The following COL7A1 variants were observed in gnomAD, a reference collection of about 807,000 sequenced individuals.
The protein encoded by COL7A1 is collagen alpha-1(VII) chain.
COL7A1 carries 296 observed loss-of-function variants against 456.2 expected under a neutral mutation model. That is an observed-to-expected ratio of 0.65 (90% confidence interval 0.59 to 0.71). The LOEUF is 0.71. Ranked by LOEUF, COL7A1 falls within the 30% of genes least tolerant of loss-of-function variation. COL7A1 has a pLI of 0.00. For missense variants in COL7A1, 3,441 were observed against 4,017.2 expected (o/e 0.86, Z 3.88); for synonymous variants, 1,464 against 1,525.9 (o/e 0.96, Z 0.95).
At position 48,592,118 on chromosome 3, in the gene COL7A1, G is replaced by A; in HGVS notation, c.1224C>T (p.Ser408=). Residue 408 remains serine, a synonymous_variant, in exon 10 of 119, where the codon TCC becomes TCT. Transcript: ENST00000681320. This position sits in a 1 kb window ranked among gnomAD's most constrained non-coding sequence, Gnocchi z 7.6. ...CCTTCTCACCAGTGCGAGCCATCAG[G>A]GAAGTGGCGGGCCCCACACTGCGGC... ...LFGRSVGPAT[S]LMARTDASVE... 3.7e-6 allele frequency: 6 copies of A among 1,614,146 alleles called. No homozygotes were observed. Among genetic ancestry groups the A allele is most frequent in the Admixed American group, 1.7e-5 (1 of 60,026 alleles).
chr3:48,573,379 A>C lies in COL7A1; in HGVS notation c.6619-31T>G, dbSNP rs761224941. 4.3e-6 allele frequency: 7 copies of C among 1,613,940 alleles called. No individual in the cohort carries two copies. In the East Asian group the frequency reaches 1.6e-4, roughly 36 times the overall value. ...AACAACCCAGAGACTGCATGAGCAGAGCCCACGTGGCCAGGGCTCCTGGAG... is the reference window on the plus strand; with the variant it reads ...AACAACCCAGAGACTGCATGAGCAGCGCCCACGTGGCCAGGGCTCCTGGAG... On this transcript the variant is annotated intron_variant, in intron 83 of 118. Transcript: ENST00000681320. The surrounding 1 kb of genome is among the most constrained non-coding windows in gnomAD (Gnocchi z 5.5).
At position 48,569,479 on chromosome 3, in the gene COL7A1, G is replaced by A. The variant is rs759485606; in HGVS notation, c.7615-33C>T. 1 of 1,614,044 alleles carries A rather than the reference G, an allele frequency of 6.2e-7. No homozygotes were observed. The highest frequency in any genetic ancestry group is 1.1e-5 in the South Asian group (1 of 91,084). ...GGTTTGGGTAAGAAGTCACGGTAAG[G>A]GGCTGAAGGTCCCTCACCCTCTGGG... On this transcript the variant is annotated intron_variant, in intron 102 of 118. Transcript: ENST00000681320. This position sits in a 1 kb window ranked among gnomAD's most constrained non-coding sequence, Gnocchi z 4.9.
chr3:48,594,607 C>G lies in COL7A1; in HGVS notation c.86-59G>C. On this transcript the variant is annotated intron_variant, in intron 2 of 118. Coordinates refer to ENST00000681320, the MANE Select transcript of COL7A1 (RefSeq NM_000094.4). This position sits in a 1 kb window ranked among gnomAD's most constrained non-coding sequence, Gnocchi z 5.5. ...GGGAGGCCAACCACCCGCCTACCCG[C>G]ACGGTGGCCTCACTGGGACTTGGGA... 13 of 1,522,732 alleles carry G rather than the reference C, an allele frequency of 8.5e-6. No individual in the cohort carries two copies. The highest frequency in any genetic ancestry group is 8.3e-5 in the South Asian group (7 of 84,066). 94.3% of individuals were successfully genotyped at this position (1,522,732 alleles called of 1,614,324 possible).
In COL7A1 at chr3:48,572,139, C is replaced by T. The variant is rs781739537; in HGVS notation, c.7011G>A (p.Pro2337=). The T allele has an allele frequency of 2.7e-5, 43 of 1,614,016 alleles. No homozygotes were observed. Among genetic ancestry groups the T allele is most frequent in the Non-Finnish European group, 3.5e-5 (41 of 1,179,992 alleles). Residue 2337 remains proline, a synonymous_variant, in exon 91 of 119, where the codon CCG becomes CCA. Transcript: ENST00000681320. The surrounding 1 kb of genome is among the most constrained non-coding windows in gnomAD (Gnocchi z 4.6). ...GAKGDRGLPG[P]RGEKGEAGRA... is the part of the protein sequence containing the mutation. ...CAACCCACCTCACCTTCTCGCCTCG[C>T]GGCCCTGGCAGTCCTCGGTCACCTT... is the stretch of plus-strand genomic sequence containing the variant.
At position 48,587,789 on chromosome 3, in the gene COL7A1, T is replaced by TA; in HGVS notation, c.2857+3_2857+4insT. 1 of 1,613,326 alleles carries TA rather than the reference T, an allele frequency of 6.2e-7. No individual in the cohort carries two copies. The stretch of plus-strand genomic sequence containing the variant: ...AGGAGCACGCCAAGGTGAGGCAGGC[T>TA]TACCAGTGCGCGCAGTCACCTCTGC... On this transcript the variant is annotated splice_donor_region_variant and intron_variant, in intron 22 of 118. Transcript: ENST00000681320. This position sits in a 1 kb window ranked among gnomAD's most constrained non-coding sequence, Gnocchi z 6.1.
In COL7A1 at chr3:48,587,082, C is replaced by A. The variant is rs1244072265; in HGVS notation, c.3166G>T (p.Val1056Leu). The change falls in exon 25 of 119, where the codon GTG (valine) becomes TTG (leucine). Residue 1056 changes from valine (V) to leucine (L), a missense_variant. Coordinates refer to ENST00000681320, the MANE Select transcript of COL7A1 (RefSeq NM_000094.4). This position sits in a 1 kb window ranked among gnomAD's most constrained non-coding sequence, Gnocchi z 6.1. ...TCTTGAGTGGCATGTGGTAGGAACA[C>A]CACATCCGCCAGGCCACGGGGGCAC... ...PVCPRGLADVVFLPHATQDNA... is the reference protein window; with the variant it reads ...PVCPRGLADVLFLPHATQDNA... 1.9e-6 allele frequency: 3 copies of A among 1,611,776 alleles called. No homozygotes were observed. The highest frequency in any genetic ancestry group is 2.5e-6 in the Non-Finnish European group (3 of 1,179,076).
chr3:48,565,559 C>T lies in COL7A1; in HGVS notation c.8441-63G>A. 1 of 1,613,996 alleles carries T rather than the reference C, an allele frequency of 6.2e-7. No homozygotes were observed. Among genetic ancestry groups the T allele is most frequent in the Non-Finnish European group, 8.5e-7 (1 of 1,179,906 alleles). ...ACCATGGGCAGCCATCCCAGCCAAC[C>T]CCCCTGAGAGGACCCCAGTTGATAG... On this transcript the variant is annotated intron_variant, in intron 115 of 118. Transcript: ENST00000681320. This position sits in a 1 kb window ranked among gnomAD's most constrained non-coding sequence, Gnocchi z 4.5.
chr3:48,572,738 C>A lies in COL7A1; in HGVS notation c.6833G>T (p.Gly2278Val). 6.2e-7 allele frequency: 1 copy of A among 1,610,330 alleles called. No individual in the cohort carries two copies. The highest frequency in any genetic ancestry group is 8.5e-7 in the Non-Finnish European group (1 of 1,178,344). ...DGDRGSPGVP[G>V]SPGLPGPVGP... ...GACAGGGCCAGGCAGACCTGGTGAC[C>A]CCTATGGCAGAGCAGCGTGAGGAAC... Residue 2278 changes from glycine to valine, a missense_variant and splice_region_variant, in exon 88 of 119, where the codon GGG becomes GTG. By Grantham distance (109) the Gly-to-Val change is moderately radical. Coordinates refer to ENST00000681320, the MANE Select transcript of COL7A1 (RefSeq NM_000094.4). This position sits in a 1 kb window ranked among gnomAD's most constrained non-coding sequence, Gnocchi z 4.6.
Position 48,579,179 on chromosome 3 carries a change from A to G in COL7A1, c.5388+18T>C, listed in dbSNP as rs1454812179. On this transcript the variant is annotated intron_variant, in intron 62 of 118. Coordinates refer to ENST00000681320, the MANE Select transcript of COL7A1 (RefSeq NM_000094.4). The surrounding 1 kb of genome is among the most constrained non-coding windows in gnomAD (Gnocchi z 4.4). ...GGGTAGGGGAAGGGGACAACCAGGC[A>G]GGACTACCAAGACTCACATTCGGCC... is the stretch of plus-strand genomic sequence containing the variant. 2.5e-6 allele frequency: 4 copies of G among 1,612,436 alleles called. No homozygotes were observed. In the African/African-American group the frequency reaches 5.3e-5, roughly 22 times the overall value.
rs143283465 is a variant in COL7A1 at position 48,570,144 on chromosome 3, C to T, written c.7475G>A (p.Arg2492Gln). The T allele has an allele frequency of 4.0e-5, 65 of 1,614,104 alleles. No individual in the cohort carries two copies. The highest frequency in any genetic ancestry group is 6.7e-5 in the African/African-American group (5 of 75,032). Residue 2492 changes from arginine (R) to glutamine (Q), a missense_variant, in exon 99 of 119, where the codon CGA becomes CAA. Around this residue, in one of 3 missense-constraint regions of COL7A1, gnomAD observed 2,084 missense variants for 2,501.3 expected, o/e 0.83. Transcript: ENST00000681320. This position sits in a 1 kb window ranked among gnomAD's most constrained non-coding sequence, Gnocchi z 5.5. Reference protein sequence around the residue: ...EDGRPGQEGPRGLTGPPGSRG... With the variant: ...EDGRPGQEGPQGLTGPPGSRG... ...CCCAGCGGGACCCACCGTGAGTCCT[C>T]GGGGTCCCTCCTGGCCGGGGCGGCC...
Position 48,586,984 on chromosome 3 carries a change from T to A in COL7A1, c.3264A>T (p.Pro1088=), listed in dbSNP as rs777639695. Residue 1088 remains proline, a synonymous_variant, in exon 25 of 119, where the codon CCA becomes CCT. Transcript: ENST00000681320. This position sits in a 1 kb window ranked among gnomAD's most constrained non-coding sequence, Gnocchi z 5.1. Reference sequence around the variant, plus strand: ...CCCAGGGCCAAACCTGAACTGCCTGTGGCCCAAGAGGCCCAAGTGCCAACA... The same window carrying A: ...CCCAGGGCCAAACCTGAACTGCCTGAGGCCCAAGAGGCCCAAGTGCCAACA... ...RLVLALGPLG[P]QAVQVGLLSY... 3 of 1,596,058 alleles carry A rather than the reference T, an allele frequency of 1.9e-6. No homozygotes were observed. In the Admixed American group the frequency reaches 5.3e-5, roughly 28 times the overall value.
In COL7A1 at chr3:48,580,418, C is replaced by T; in HGVS notation, c.5053-74G>A. ...GAGAGCTTTGGAAGCACCATGAGGA[C>T]TCATGGGAATGTTGGTAGCCTTCAG... is the stretch of plus-strand genomic sequence containing the variant. On this transcript the variant is annotated intron_variant, in intron 55 of 118. Coordinates refer to ENST00000681320, the MANE Select transcript of COL7A1 (RefSeq NM_000094.4). This position sits in a 1 kb window ranked among gnomAD's most constrained non-coding sequence, Gnocchi z 4.5. 6.4e-7 allele frequency: 1 copy of T among 1,556,498 alleles called. No individual in the cohort carries two copies. The highest frequency in any genetic ancestry group is 8.8e-7 in the Non-Finnish European group (1 of 1,139,054).
At position 48,570,649 on chromosome 3, in the gene COL7A1, G is replaced by A. The variant is rs750113696; in HGVS notation, c.7334C>T (p.Pro2445Leu). Reference sequence around the variant, plus strand: ...GGCACCTCTACTCACCACTGACCCCGGTGGTCCAGGTGGCCCCAGGGGTCC... The same window carrying A: ...GGCACCTCTACTCACCACTGACCCCAGTGGTCCAGGTGGCCCCAGGGGTCC... ...IPGPLGPPGP[P>L]GSVGPPGASG... Residue 2445 changes from proline to leucine, a missense_variant, in exon 96 of 119, where the codon CCG (proline) becomes CTG (leucine). Physicochemically the swap from Pro to Leu is moderately conservative, Grantham distance 98. This residue lies in a region of COL7A1 where 2,084 missense variants were observed against 2,501.3 expected (regional missense o/e 0.83). Coordinates refer to ENST00000681320, the MANE Select transcript of COL7A1 (RefSeq NM_000094.4). The surrounding 1 kb of genome is among the most constrained non-coding windows in gnomAD (Gnocchi z 5.5). 1.6e-5 allele frequency: 25 copies of A among 1,599,144 alleles called. No homozygotes were observed. Among genetic ancestry groups the A allele is most frequent in the East Asian group, 2.3e-5 (1 of 44,156 alleles).
Position 48,587,210 on chromosome 3 carries a change from G to T in COL7A1, c.3119C>A (p.Ala1040Glu), listed in dbSNP as rs768912143. The T allele has an allele frequency of 1.2e-6, 2 of 1,613,634 alleles. 1 individual carries two copies. The highest frequency in any genetic ancestry group is 2.2e-5 in the South Asian group (2 of 90,978). ...PVLDGVRGPE[A>E]SVTQTPVCPR... ...TATACCTGGCGTCTGTGTGACAGATGCCTCAGGACCCCGCACACCATCCAG... is the reference window on the plus strand; with the variant it reads ...TATACCTGGCGTCTGTGTGACAGATTCCTCAGGACCCCGCACACCATCCAG... The change falls in exon 24 of 119, where the codon GCA becomes GAA. Residue 1040 changes from alanine to glutamate, a missense_variant. Transcript: ENST00000681320. The surrounding 1 kb of genome is among the most constrained non-coding windows in gnomAD (Gnocchi z 6.1).
Position 48,584,373 on chromosome 3 carries a change from G to A in COL7A1, c.4122C>T (p.Gly1374=), listed in dbSNP as rs2045052923. ...CCAGTGGTCCACGAGGTCCAGGGGG[G>A]CCCTGATGGAGGAGACAAAGTATAA... ...PGRKGDPGPS[G]PPGPRGPLGD... is the part of the protein sequence containing the mutation. Residue 1374 remains glycine, a splice_region_variant and synonymous_variant, in exon 37 of 119, where the codon GGC becomes GGT. Transcript: ENST00000681320. 1 of 1,613,718 alleles carries A rather than the reference G, an allele frequency of 6.2e-7. No homozygotes were observed.
Position 48,582,614 on chromosome 3 carries a change from G to A in COL7A1, c.4558C>T (p.Pro1520Ser), listed in dbSNP as rs746278292. 9.3e-6 allele frequency: 15 copies of A among 1,613,640 alleles called. No homozygotes were observed. The South Asian group carries it at 1.2e-4, about 13-fold the overall frequency. ...CACCACAGTCACAGACTCACTTCAG[G>A]ACCCTTGGCTCCAGGACGTCCAGCA... The part of the protein sequence containing the change: ...GVAGRPGAKG[P>S]EGPPGPTGRQ... The change falls in exon 45 of 119, where the codon CCT becomes TCT. Residue 1520 changes from proline (P) to serine (S), a missense_variant. Pro to Ser is a moderately conservative substitution (Grantham distance 74, BLOSUM62 -1). Transcript: ENST00000681320.
At chr3:48,582,901 G>C in intron 44 of COL7A1, 112 bp downstream of exon 44, 2 of 1,493,382 alleles carry the variant, frequency 1.3e-6, no homozygotes, top group Middle Eastern at 1.9e-4. Context: ...GGGATAAGTG[G>C]TCATTGAGGA....
chr3:48,577,078 C>T (rs1255746936), intron 65 of COL7A1, 51 bp from the exon 66 acceptor site: 11 of 1,607,610 alleles, frequency 6.8e-6, no homozygotes, highest in South Asian at 2.2e-5. Context: ...TGTCTGGCTG[C>T]AAGACACTAC....
At position 48,569,815 on chromosome 3, in the gene COL7A1, A is replaced by T. The variant is rs951522576; in HGVS notation, c.7522-55T>A. On this transcript the variant is annotated intron_variant, in intron 100 of 118. Coordinates refer to ENST00000681320, the MANE Select transcript of COL7A1 (RefSeq NM_000094.4). This position sits in a 1 kb window ranked among gnomAD's most constrained non-coding sequence, Gnocchi z 4.9. ...CAAACTGGGGAGGCCCCGCACCTGAATTCTAATATCATACAAGATCCACTC... is the reference window on the plus strand; with the variant it reads ...CAAACTGGGGAGGCCCCGCACCTGATTTCTAATATCATACAAGATCCACTC... 6.2e-7 allele frequency: 1 copy of T among 1,614,058 alleles called. No individual in the cohort carries two copies. Among genetic ancestry groups the T allele is most frequent in the Admixed American group, 1.7e-5 (1 of 60,028 alleles).
Sources: gnomAD v4.1 joint callset for allele counts on GRCh38, gnomAD v4.1.1 for gene constraint, gnomAD v4.1.1 regional missense constraint, Gnocchi (gnomAD v3.1) non-coding constraint, MANE v1.5 for transcripts, NCBI Gene and HGNC (gene_info 2026-07-23, HGNC 2026-07-21) for gene names.